ESCO1: variants seen among roughly 807,000 people sequenced by gnomAD.
ESCO1 encodes the protein N-acetyltransferase ESCO1.
A neutral mutation model predicts 83.5 loss-of-function variants in ESCO1; 33 were observed. That is an observed-to-expected ratio of 0.40 (90% CI 0.30 to 0.53). The LOEUF (loss-of-function observed/expected upper bound fraction) is 0.53, where lower values mean the gene tolerates loss of function less well. Among genes scored for constraint, ESCO1 ranks in the 20% least tolerant of loss-of-function variants. The pLI, the probability that ESCO1 is intolerant of heterozygous loss-of-function variation, is 0.63. For synonymous variants in ESCO1, 332 were observed against 324.3 expected (o/e 1.02, Z -0.25); for missense variants, 855 against 968.0 (o/e 0.88, Z 1.55).
intron 8 of ESCO1, among the ~76,000 whole-genome samples, chr18:21,551,183 T>C (rs952177463): frequency 3.5e-5 from 5 of 142,832 alleles, no homozygotes; most frequent in African/African-American, 1.3e-4. Flanking sequence ...AGAAACACAA[T>C]GTCCAGGCCG....
At chr18:21,584,037 C>A (rs1367321730) in intron 2 of ESCO1, among the ~76,000 whole-genome samples, 1 of 152,130 alleles carries the variant, frequency 6.6e-6, no homozygotes, top group East Asian at 1.9e-4. Flanking sequence ...TATACAGAAT[C>A]ATATGCCTTT....
chr18:21,564,367 T>A, intron 6 of ESCO1, 50 bp from the exon 7 acceptor site: 1 of 1,150,932 alleles, frequency 8.7e-7, no homozygotes, highest in Non-Finnish European at 1.2e-6. Context: ...TCATTTCACA[T>A]CATTTGAAGG....
intron 8 of ESCO1, among the ~76,000 whole-genome samples, chr18:21,544,845 G>C (rs1027594381): frequency 6.6e-6 from 1 of 152,256 alleles, no homozygotes; most frequent in East Asian, 1.9e-4. Context: ...CTGTACCAAT[G>C]GCCCAAGGTT....
At chr18:21,566,231 T>A in intron 5 of ESCO1, 25 bp from the exon 6 acceptor site, 2 of 1,604,942 alleles carry the variant, frequency 1.2e-6, no homozygotes, top group Non-Finnish European at 1.7e-6. Context: ...AGAAGGTGGG[T>A]TATATATTGA....
In ESCO1 at chr18:21,560,800, T is replaced by C; in HGVS notation, c.1953+59A>G. The C allele has an allele frequency of 4.4e-6, 7 of 1,578,126 alleles. No homozygotes were observed. In the South Asian group the frequency reaches 8.5e-5, roughly 19 times the overall value. Reference sequence around the variant, plus strand: ...GATTTAAATTTGGCAACTCATCTCATTAAGAGACCGACCTAATTATCTGAT... The same window carrying C: ...GATTTAAATTTGGCAACTCATCTCACTAAGAGACCGACCTAATTATCTGAT... On this transcript the variant is annotated intron_variant, in intron 8 of 11. Transcript: ENST00000269214.
At chr18:21,585,633 T>C (rs2038564740) in intron 1 of ESCO1, among the ~76,000 whole-genome samples, 1 of 152,004 alleles carries the variant, frequency 6.6e-6, no homozygotes, top group Non-Finnish European at 1.5e-5. Context: ...ACTCTTTTTC[T>C]TTTTTTTAGA....
At chr18:21,594,690 C>T (rs933816161) in intron 1 of ESCO1, among the ~76,000 whole-genome samples, 11 of 123,830 alleles carry the variant, frequency 8.9e-5, no homozygotes, top group Non-Finnish European at 1.8e-4. Flanking sequence ...TGCAACTGAG[C>T]GAGACTCCAT....
intron 8 of ESCO1, among the ~76,000 whole-genome samples, chr18:21,555,828 C>A (rs1568098919): frequency 6.6e-6 from 1 of 152,036 alleles, no homozygotes; most frequent in Non-Finnish European, 1.5e-5. Context: ...ATTAGCCAGG[C>A]CTGGTGGCCT....
intron 8 of ESCO1, among the ~76,000 whole-genome samples, chr18:21,551,841 C>A (rs114780689): frequency 2.6e-4 from 40 of 152,350 alleles, no homozygotes; most frequent in African/African-American, 9.6e-4. Context: ...AAACCCAACT[C>A]TGACCTGACC....
At chr18:21,543,935 T>G (rs1289446179) in intron 8 of ESCO1, among the ~76,000 whole-genome samples, 2 of 152,188 alleles carry the variant, frequency 1.3e-5, no homozygotes, top group Non-Finnish European at 2.9e-5. Context: ...ATTCATTTAT[T>G]GAAGGTGTAG....
intron 8 of ESCO1, among the ~76,000 whole-genome samples, chr18:21,557,003 G>A (rs981030235): frequency 1.3e-5 from 2 of 151,950 alleles, no homozygotes; most frequent in African/African-American, 2.4e-5. Context: ...CGGTATTGTC[G>A]ACTCTTTCTT....
intron 1 of ESCO1, among the ~76,000 whole-genome samples, chr18:21,600,006 C>T (rs1274682204): frequency 1.3e-5 from 2 of 152,180 alleles, no homozygotes. Context: ...TGTGCCGAGA[C>T]CCCCATTTGC....
In ESCO1 at chr18:21,575,707, C is replaced by G. The variant is rs1433423817; in HGVS notation, c.-623G>C. ...CCAAAATATAGACTCGATGTCTCAG[C>G]CACCATAACTCATGAAGAAAATTAG... On this transcript the variant is annotated 5_prime_UTR_variant, in exon 3 of 12. Transcript: ENST00000269214. 5.0e-6 allele frequency: 2 copies of G among 398,220 alleles called. No homozygotes were observed. The highest frequency in any genetic ancestry group is 4.1e-5 in the African/African-American group (2 of 48,604). 24.7% of individuals were successfully genotyped at this position (398,220 alleles called of 1,614,324 possible).
intron 7 of ESCO1, among the ~76,000 whole-genome samples, chr18:21,563,974 T>A (rs1261504142): frequency 6.6e-6 from 1 of 151,548 alleles, no homozygotes; most frequent in East Asian, 1.9e-4. Context: ...GCTTCCTCCC[T>A]TACCACGTGG....
At chr18:21,537,940 A>T (rs1221284812) in intron 9 of ESCO1, among the ~76,000 whole-genome samples, 3 of 152,060 alleles carry the variant, frequency 2.0e-5, no homozygotes, top group African/African-American at 7.2e-5. Flanking sequence ...ATATTGGAAA[A>T]TTTTTTTGGG....
chr18:21,553,862 C>CA (rs1261790821), intron 8 of ESCO1, among the ~76,000 whole-genome samples: 4,090 of 86,208 alleles, frequency 0.047, 75 homozygotes, highest in Non-Finnish European at 0.062. Context: ...GAAACTCTGT[C>CA]AAAAAAAAAA....
chr18:21,565,777 A>C (rs2038251453), intron 6 of ESCO1, among the ~76,000 whole-genome samples: 1 of 152,098 alleles, frequency 6.6e-6, no homozygotes, highest in Admixed American at 6.6e-5. Flanking sequence ...TCTCTAAAAA[A>C]AGAATTTTTT....
chr18:21,561,094 T>C, intron 7 of ESCO1, 104 bp from the exon 8 acceptor site: 1 of 1,104,118 alleles, frequency 9.1e-7, no homozygotes. Context: ...AATTGTTTAA[T>C]CTACATGAAT....
At chr18:21,532,972 G>GC (rs964862801) in intron 10 of ESCO1, among the ~76,000 whole-genome samples, 2 of 151,986 alleles carry the variant, frequency 1.3e-5, no homozygotes, top group African/African-American at 2.4e-5. Context: ...ATCATGAGGA[G>GC]CCCCCCCAAT....
Sources: gnomAD v4.1 joint callset for allele counts (sites outside exome capture counted in the v4.1 genomes callset) on GRCh38, gnomAD v4.1.1 for gene constraint, MANE v1.5 for transcripts, NCBI Gene and HGNC (gene_info 2026-07-23, HGNC 2026-07-21) for gene names.